The following HERC3 variants were observed in gnomAD, a reference collection of about 807,000 sequenced individuals.
The protein encoded by HERC3 is HECT and RLD domain containing E3 ubiquitin protein ligase 3.
Under a neutral mutation model 129.9 loss-of-function variants are expected in HERC3, and 58 were observed. The ratio of observed to expected loss-of-function variants is 0.45; its 90% CI spans 0.36 to 0.56. The LOEUF is 0.56. Among genes scored for constraint, HERC3 ranks in the 20% least tolerant of loss-of-function variants. HERC3 has a pLI of 0.00. For missense variants in HERC3, 835 were observed against 1,244.2 expected, an observed-to-expected ratio of 0.67 and a Z score of 4.95; for synonymous variants, 430 against 451.0, an observed-to-expected ratio of 0.95 and a Z score of 0.59.
chr4:88,575,737 T>A, the HERC3 span, among the ~76,000 whole-genome samples: 4 of 152,254 alleles, frequency 2.6e-5, no homozygotes, highest in Non-Finnish European at 5.9e-5. Context: ...CTTAGAACTT[T>A]ATTCCACGTT....
the HERC3 span, among the ~76,000 whole-genome samples, chr4:88,547,875 C>T: frequency 1.3e-5 from 2 of 152,042 alleles, no homozygotes; most frequent in Non-Finnish European, 2.9e-5. Flanking sequence ...AGGCTGGTGT[C>T]GAACTCCTGG....
chr4:88,577,605 G>GTATATATATATATATATATATATATA, the HERC3 span, among the ~76,000 whole-genome samples: 389 of 131,812 alleles, frequency 3.0e-3, 2 homozygotes, highest in South Asian at 0.013. Context: ...GTATGTGTGT[G>GTATATATATATATATATATATATATA]TATATATATA....
At chr4:88,595,981 C>T (rs990442706) in intron 2 of HERC3, among the ~76,000 whole-genome samples, 4 of 151,220 alleles carry the variant, frequency 2.6e-5, no homozygotes, top group African/African-American at 7.3e-5. Flanking sequence ...TCCCGAGTAG[C>T]TGGGACTACA....
the HERC3 span, among the ~76,000 whole-genome samples, chr4:88,543,380 A>G: frequency 6.6e-6 from 1 of 152,312 alleles, no homozygotes; most frequent in East Asian, 1.9e-4. Flanking sequence ...CTTACAAGGG[A>G]TGTGAAGGAC....
chr4:88,593,326 G>C, intron 1 of HERC3: 1 of 153,034 alleles, frequency 6.5e-6, no homozygotes, highest in East Asian at 1.9e-4. Context: ...GAGCTGGGAC[G>C]GCCGGGGGCA....
the HERC3 span, among the ~76,000 whole-genome samples, chr4:88,578,913 T>C: frequency 6.6e-6 from 1 of 152,168 alleles, no homozygotes; most frequent in Non-Finnish European, 1.5e-5. Context: ...CAAAAAATGC[T>C]GTAGGAAGTA....
chr4:88,654,387 T>TATATATATATATATAC (rs1321614619), intron 7 of HERC3, among the ~76,000 whole-genome samples: 4 of 94,330 alleles, frequency 4.2e-5, no homozygotes, highest in Admixed American at 1.3e-4. Context: ...TATATATATA[T>TATATATATATATATAC]ACACACACAC....
chr4:88,545,093 T>G, the HERC3 span, among the ~76,000 whole-genome samples: 9 of 152,168 alleles, frequency 5.9e-5, no homozygotes, highest in Admixed American at 5.2e-4. Context: ...TCTGAGGCAC[T>G]GGGGGTTAGG....
chr4:88,680,249 T>C lies in HERC3; in HGVS notation c.2340+13T>C, dbSNP rs1410964001. The C allele has an allele frequency of 1.7e-5, 27 of 1,587,790 alleles. No individual in the cohort carries two copies. The highest frequency in any genetic ancestry group is 2.3e-5 in the Non-Finnish European group (27 of 1,168,416). Reference sequence around the variant, plus strand: ...GTTTTCAGACACGGTAAGTAAGTGGTGTCACAATTAAACAGATGGATTAAA... The same window carrying C: ...GTTTTCAGACACGGTAAGTAAGTGGCGTCACAATTAAACAGATGGATTAAA... On this transcript the variant is annotated intron_variant, in intron 20 of 25. Transcript: ENST00000402738.
chr4:88,682,402 A>G (rs1732882441), intron 21 of HERC3, among the ~76,000 whole-genome samples: 1 of 152,026 alleles, frequency 6.6e-6, no homozygotes, highest in Non-Finnish European at 1.5e-5. Flanking sequence ...TACATGTGCC[A>G]TGTTGGTGTG....
rs568019259 is a variant in HERC3 at position 88,686,146 on chromosome 4, T to C, written c.2508-590T>C. On this transcript the variant is annotated intron_variant, in intron 21 of 25. Transcript: ENST00000402738. ...AACTTCTTTTCCTCTCTCCATCTCT[T>C]AAAAAAAAAAAATTAGTGTGAGTGT... 7.5e-5 allele frequency among the ~76,000 whole-genome samples: 11 copies of C among 147,602 alleles called. No individual in the cohort carries two copies. The South Asian group carries it at 2.3e-3, about 32-fold the overall frequency.
the HERC3 span, among the ~76,000 whole-genome samples, chr4:88,552,429 T>A: frequency 6.6e-6 from 1 of 152,172 alleles, no homozygotes; most frequent in Non-Finnish European, 1.5e-5. Flanking sequence ...ATTTTTGTAT[T>A]TTTAGTAGAG....
At chr4:88,610,992 T>C (rs987890601) in intron 3 of HERC3, among the ~76,000 whole-genome samples, 2 of 152,212 alleles carry the variant, frequency 1.3e-5, no homozygotes, top group Admixed American at 1.3e-4. Context: ...GCTGAGTGAC[T>C]GCAAGAATCC....
At chr4:88,527,776 C>T in the HERC3 span, 3 of 319,240 alleles carry the variant, frequency 9.4e-6, no homozygotes, top group South Asian at 3.0e-5. Context: ...CATTCTGCTG[C>T]CGGTTATCCT....
At chr4:88,545,430 C>CTTTTTTTTTTTTTTTTTT in the HERC3 span, among the ~76,000 whole-genome samples, 2 of 110,434 alleles carry the variant, frequency 1.8e-5, no homozygotes, top group African/African-American at 7.4e-5. Flanking sequence ...TTTGAGAATT[C>CTTTTTTTTTTTTTTTTTT]TTTTTTTTTT....
chr4:88,651,574 C>T (rs1729281282), intron 4 of HERC3, among the ~76,000 whole-genome samples: 1 of 152,134 alleles, frequency 6.6e-6, no homozygotes, highest in African/African-American at 2.4e-5. Flanking sequence ...GTATGGACTC[C>T]CTCTTCCCCA....
chr4:88,571,628 A>T, the HERC3 span, among the ~76,000 whole-genome samples: 1 of 152,152 alleles, frequency 6.6e-6, no homozygotes, highest in South Asian at 2.1e-4. Context: ...TTATAGCTGG[A>T]ACCCCATTAT....
intron 1 of HERC3, chr4:88,593,494 A>G (rs557149647): frequency 5.3e-5 from 8 of 152,246 alleles, no homozygotes; most frequent in African/African-American, 1.7e-4. Flanking sequence ...CCAGGGAATA[A>G]GTATTTGAAC....
chr4:88,687,242 T>C lies in HERC3; in HGVS notation c.2600T>C (p.Ile867Thr). 3 of 1,612,750 alleles carry C rather than the reference T, an allele frequency of 1.9e-6. No individual in the cohort carries two copies. Among genetic ancestry groups the C allele is most frequent in the Non-Finnish European group, 2.5e-6 (3 of 1,178,980 alleles). Reference protein sequence around the residue: ...FTICRESYGVIEQKKLIPGGD... With the variant: ...FTICRESYGVTEQKKLIPGGD... Reference sequence around the variant, plus strand: ...ATCTGCCGAGAAAGCTATGGAGTGATTGAACAGAAGAAGCTGATACCTGGG... The same window carrying C: ...ATCTGCCGAGAAAGCTATGGAGTGACTGAACAGAAGAAGCTGATACCTGGG... Residue 867 changes from isoleucine to threonine, a missense_variant, in exon 23 of 26, where the codon ATT becomes ACT. Coordinates refer to ENST00000402738, the MANE Select transcript of HERC3 (RefSeq NM_014606.3).
Sources: allele counts gnomAD v4.1 joint callset (sites outside exome capture counted in the v4.1 genomes callset), GRCh38; gene constraint gnomAD v4.1.1; transcripts MANE v1.5; gene names NCBI Gene and HGNC (gene_info 2026-07-23, HGNC 2026-07-21).